RTBDN: variants seen among roughly 807,000 people sequenced by gnomAD.
RTBDN encodes retbindin.
RTBDN carries 24 observed loss-of-function variants against 21.9 expected under a neutral mutation model. The observed-to-expected ratio is 1.10, with a 90% CI of 0.79 to 1.54. RTBDN has a LOEUF of 1.54. Ranked by LOEUF, RTBDN falls within the 40% of genes most tolerant of loss-of-function variation. The pLI is 0.00. For synonymous variants in RTBDN, 141 were observed against 125.9 expected (o/e 1.12, Z -0.80); for missense variants, 325 against 315.2 (o/e 1.03, Z -0.23).
Position 12,825,786 on chromosome 19 carries a change from G to A in RTBDN, c.610C>T (p.Arg204Trp), listed in dbSNP as rs146539925. 101 of 1,610,820 alleles carry A rather than the reference G, an allele frequency of 6.3e-5. No homozygotes were observed. Among genetic ancestry groups the A allele is most frequent in the Non-Finnish European group, 8.2e-5 (97 of 1,178,160 alleles). The change falls in exon 6 of 6, where the codon CGG becomes TGG. Residue 204 changes from arginine to tryptophan, a missense_variant. Coordinates refer to ENST00000674343, the MANE Select transcript of RTBDN (RefSeq NM_001270441.2). ...PGRRGREAPSRRSRSPRTSIL... is the reference protein window; with the variant it reads ...PGRRGREAPSWRSRSPRTSIL... ...GAGGTGCGAGGGCTGCGGGAACGCCGGGAGGGAGCTTCCCGGCCCCGTCGT... is the reference window on the plus strand; with the variant it reads ...GAGGTGCGAGGGCTGCGGGAACGCCAGGAGGGAGCTTCCCGGCCCCGTCGT...
Position 12,830,130 on chromosome 19 carries a change from C to A in RTBDN, c.-18-133G>T. 7.8e-7 allele frequency: 1 copy of A among 1,277,978 alleles called. No individual in the cohort carries two copies. The highest frequency in any genetic ancestry group is 1.5e-5 in the African/African-American group (1 of 66,880). 79.2% of individuals were successfully genotyped at this position (1,277,978 alleles called of 1,614,324 possible). A position where few individuals can be genotyped will look rare whatever the true frequency, so the allele number is the denominator to read the frequency against. On this transcript the variant is annotated intron_variant, in intron 1 of 5. Transcript: ENST00000674343. The surrounding 1 kb of genome is among the most constrained non-coding windows in gnomAD (Gnocchi z 4.2). ...CTGAGGAGGAGGCTGGGGCAGTGGC[C>A]AAGGACGTTCAAATCCCAGGAGACC...
intron 4 of RTBDN, 62 bp from the exon 5 acceptor site, chr19:12,826,933 G>T: frequency 8.3e-7 from 1 of 1,197,900 alleles, no homozygotes; most frequent in Non-Finnish European, 1.2e-6. Context: ...CGCGATTCTG[G>T]CTCTTCTAGA....
intron 1 of RTBDN, among the ~76,000 whole-genome samples, chr19:12,831,974 A>G (rs953812872): frequency 4.6e-5 from 7 of 152,096 alleles, no homozygotes; most frequent in African/African-American, 1.7e-4. Context: ...TTTGCATTGG[A>G]TGACTGTGTG....
In RTBDN at chr19:12,830,376, CTCTT is replaced by C. The variant is rs1464550558; in HGVS notation, c.-18-383_-18-380del. On this transcript the variant is annotated intron_variant, in intron 1 of 5. Transcript: ENST00000674343. This position sits in a 1 kb window ranked among gnomAD's most constrained non-coding sequence, Gnocchi z 4.2. ...CTCTCCTGTTCAGTAATTCCTCCCT[CTCTT>C]CTATGCGGCCTCCCTCCTCCCTCTC... is the stretch of plus-strand genomic sequence containing the variant. The C allele has an allele frequency of 3.0e-6, 3 of 999,304 alleles. No individual in the cohort carries two copies. The highest frequency in any genetic ancestry group is 1.7e-5 in the African/African-American group (1 of 57,770). 61.9% of individuals were successfully genotyped at this position (999,304 alleles called of 1,614,324 possible).
At chr19:12,831,016 T>TG (rs1969553363) in intron 1 of RTBDN, among the ~76,000 whole-genome samples, 1 of 132,380 alleles carries the variant, frequency 7.6e-6, no homozygotes, top group Admixed American at 7.7e-5. Context: ...GGTGGAGTGG[T>TG]TGTGTGTGTG....
intron 2 of RTBDN, 140 bp downstream of exon 2, chr19:12,829,671 C>G (rs1299505043): frequency 1.1e-5 from 9 of 795,346 alleles, no homozygotes; most frequent in Non-Finnish European, 1.6e-5. Context: ...AATTCTTATC[C>G]ACCATTCTTC....
upstream of RTBDN, chr19:12,835,035 G>T (rs368875042): frequency 1.2e-5 from 19 of 1,604,206 alleles, no homozygotes; most frequent in Non-Finnish European, 1.6e-5. Flanking sequence ...CCAGACTCAG[G>T]CTCCATCCCC....
chr19:12,829,404 T>C (rs1757170705), intron 2 of RTBDN, among the ~76,000 whole-genome samples: 1 of 152,200 alleles, frequency 6.6e-6, no homozygotes, highest in South Asian at 2.1e-4. Context: ...GGTTTCACCA[T>C]GCTGGCCAGG....
At position 12,829,996 on chromosome 19, in the gene RTBDN, AGC is replaced by A; in HGVS notation, c.-18-1_-18del. 1 of 1,600,524 alleles carries A rather than the reference AGC, an allele frequency of 6.2e-7. No homozygotes were observed. Reference sequence around the variant, plus strand: ...GCAGTCCATGTCCACCTGAGATAAGAGCTGGCAGGCATAGGGTGGGGTTCAGC... The same window carrying A: ...GCAGTCCATGTCCACCTGAGATAAGATGGCAGGCATAGGGTGGGGTTCAGC... On this transcript the variant is annotated splice_acceptor_variant and 5_prime_UTR_variant, in exon 2 of 6. Coordinates refer to ENST00000674343, the MANE Select transcript of RTBDN (RefSeq NM_001270441.2). LOFTEE classifies it low-confidence loss of function (5UTR_SPLICE).
chr19:12,829,065 A>G, intron 2 of RTBDN, 112 bp from the exon 3 acceptor site: 1 of 1,514,760 alleles, frequency 6.6e-7, no homozygotes, highest in Non-Finnish European at 8.9e-7. Context: ...CAATCCTCAC[A>G]AACCCATAAC....
intron 1 of RTBDN, among the ~76,000 whole-genome samples, chr19:12,831,108 A>C (rs538243727): frequency 6.6e-5 from 10 of 151,678 alleles, no homozygotes; most frequent in African/African-American, 2.4e-4. Context: ...ATGTGTTTGC[A>C]GTTGAATAAA....
chr19:12,829,504 A>C (rs1969468059), intron 2 of RTBDN, among the ~76,000 whole-genome samples: 1 of 152,134 alleles, frequency 6.6e-6, no homozygotes, highest in African/African-American at 2.4e-5. Context: ...AGCCCTGCTC[A>C]TATGCTTATA....
chr19:12,834,385 A>T lies in RTBDN; in HGVS notation c.-19+104T>A, dbSNP rs1969685034. 9 of 872,822 alleles carry T rather than the reference A, an allele frequency of 1.0e-5. No individual in the cohort carries two copies. The highest frequency in any genetic ancestry group is 1.4e-5 in the Non-Finnish European group (8 of 558,210). The allele number at this position is 872,822 out of a possible 1,614,324, so 54.1% of individuals were successfully genotyped here. A position where few individuals can be genotyped will look rare whatever the true frequency, so the allele number is the denominator to read the frequency against. On this transcript the variant is annotated intron_variant, in intron 1 of 5. Transcript: ENST00000674343. The surrounding 1 kb of genome is among the most constrained non-coding windows in gnomAD (Gnocchi z 4.7). ...CCTAGGGCTCATGCCCCTCGGGGCC[A>T]TCGGCGCCGCTGGAGGCGTAAACAT...
Position 12,825,863 on chromosome 19 carries a change from G to A in RTBDN, c.533C>T (p.Ala178Val), listed in dbSNP as rs767338699. 1.2e-6 allele frequency: 2 copies of A among 1,613,388 alleles called. No homozygotes were observed. The highest frequency in any genetic ancestry group is 2.2e-5 in the South Asian group (2 of 91,012). Reference protein sequence around the residue: ...GHALPVAAPGARHCFNISISA... With the variant: ...GHALPVAAPGVRHCFNISISA... ...GATGGAGATGTTGAAGCAGTGACGG[G>A]CTCCAGGAGCAGCCACCGGTAGGGC... Residue 178 changes from alanine to valine, a missense_variant, in exon 6 of 6, where the codon GCC becomes GTC. Physicochemically the swap from Ala to Val is moderately conservative, Grantham distance 64. Transcript: ENST00000674343.
Position 12,825,637 on chromosome 19 carries a change from G to A in RTBDN, c.*69C>T. ...CAGAAGGCCGAGAGGACGAGGGGTGGGGTTCTGGGTGTCCTGAGGGGCGGG... is the reference window on the plus strand; with the variant it reads ...CAGAAGGCCGAGAGGACGAGGGGTGAGGTTCTGGGTGTCCTGAGGGGCGGG... On this transcript the variant is annotated 3_prime_UTR_variant, in exon 6 of 6. Coordinates refer to ENST00000674343, the MANE Select transcript of RTBDN (RefSeq NM_001270441.2). 1 of 1,505,164 alleles carries A rather than the reference G, an allele frequency of 6.6e-7. No homozygotes were observed. Among genetic ancestry groups the A allele is most frequent in the Non-Finnish European group, 8.9e-7 (1 of 1,125,396 alleles). The allele number at this position is 1,505,164 out of a possible 1,614,324, so 93.2% of individuals were successfully genotyped here. A position where few individuals can be genotyped will look rare whatever the true frequency, so the allele number is the denominator to read the frequency against.
At chr19:12,834,830 C>T, upstream of RTBDN, 7 of 1,614,208 alleles carry the variant, frequency 4.3e-6, no homozygotes, top group Non-Finnish European at 5.9e-6. This position sits in a 1 kb window ranked among gnomAD's most constrained non-coding sequence, Gnocchi z 4.7. Context: ...GTCCTCTGCT[C>T]GTCTTCAGCT....
intron 1 of RTBDN, among the ~76,000 whole-genome samples, chr19:12,833,209 G>C (rs970764413): frequency 1.3e-5 from 2 of 152,108 alleles, no homozygotes; most frequent in African/African-American, 2.4e-5. Flanking sequence ...CTGAGGTTGC[G>C]TCTCCTGTGA....
Position 12,834,470 on chromosome 19 carries a change from C to T in RTBDN, c.-19+19G>A, listed in dbSNP as rs1366691885. On this transcript the variant is annotated intron_variant, in intron 1 of 5. Transcript: ENST00000674343. The surrounding 1 kb of genome is among the most constrained non-coding windows in gnomAD (Gnocchi z 4.7). The stretch of plus-strand genomic sequence containing the variant: ...GAGCCCCCTCCCGAGGCATAGGACG[C>T]CCTGCGTCCCCCACGCACCTGCCTG... The T allele has an allele frequency of 2.0e-6, 3 of 1,527,916 alleles. No homozygotes were observed. The highest frequency in any genetic ancestry group is 2.6e-6 in the Non-Finnish European group (3 of 1,139,362). The allele number at this position is 1,527,916 out of a possible 1,614,324, so 94.6% of individuals were successfully genotyped here.
upstream of RTBDN, chr19:12,834,807 G>A: frequency 6.2e-7 from 1 of 1,614,230 alleles, no homozygotes; most frequent in Non-Finnish European, 8.5e-7. This position sits in a 1 kb window ranked among gnomAD's most constrained non-coding sequence, Gnocchi z 4.7. Flanking sequence ...GAGGGATTCT[G>A]TAGCCGAGAA....
Sources: gnomAD v4.1 joint callset for allele counts (sites outside exome capture counted in the v4.1 genomes callset) on GRCh38, gnomAD v4.1.1 for gene constraint, Gnocchi (gnomAD v3.1) non-coding constraint, MANE v1.5 for transcripts, NCBI Gene and HGNC (gene_info 2026-07-23, HGNC 2026-07-21) for gene names.